Variants in AKT2 observed in about 807,000 individuals in gnomAD.
AKT2 encodes the protein RAC-beta serine/threonine-protein kinase.
AKT2 carries 16 observed loss-of-function variants against 58.6 expected under a neutral mutation model. That is an observed-to-expected ratio of 0.27 (90% CI 0.18 to 0.41). The LOEUF (loss-of-function observed/expected upper bound fraction) is 0.41, where lower values mean the gene tolerates loss of function less well. Among genes scored for constraint, AKT2 ranks in the 10% least tolerant of loss-of-function variants. The pLI is 1.00. For missense variants in AKT2, 438 were observed against 661.0 expected, an observed-to-expected ratio of 0.66 and a Z score of 3.70; for synonymous variants, 253 against 254.0, an observed-to-expected ratio of 1.00 and a Z score of 0.04.
At chr19:40,283,001 TCACA>T (rs1441927404) in intron 1 of AKT2, 1 of 161,814 alleles carries the variant, frequency 6.2e-6, no homozygotes. Flanking sequence ...TAAAATGGTA[TCACA>T]CTTCTAACTA....
chr19:40,273,554 A>G (rs544871597), intron 1 of AKT2: 2 of 150,070 alleles, frequency 1.3e-5, no homozygotes, highest in South Asian at 4.2e-4. Flanking sequence ...TTTTTCTTTT[A>G]AACACACTCC....
In AKT2 at chr19:40,238,272, G is replaced by T. The variant is rs1162394457; in HGVS notation, c.709-181C>A. The stretch of plus-strand genomic sequence containing the variant: ...AGCTCATAAGTGACACAGAGCTGGG[G>T]GGAAGGGCGAGGGTCTGCCAGGAGG... On this transcript the variant is annotated intron_variant, in intron 8 of 13. Transcript: ENST00000392038. This position sits in a 1 kb window ranked among gnomAD's most constrained non-coding sequence, Gnocchi z 5.1. Among the ~76,000 whole-genome samples the T allele has an allele frequency of 6.6e-6, 1 of 152,248 alleles. No individual in the cohort carries two copies. The highest frequency in any genetic ancestry group is 2.1e-4 in the South Asian group (1 of 4,836).
chr19:40,277,850 A>T (rs2077354674), intron 1 of AKT2, among the ~76,000 whole-genome samples: 1 of 152,234 alleles, frequency 6.6e-6, no homozygotes, highest in Non-Finnish European at 1.5e-5. Flanking sequence ...GGCACATAGA[A>T]GTGATTCAAT....
chr19:40,277,016 C>G (rs962162466), intron 1 of AKT2, among the ~76,000 whole-genome samples: 2 of 152,088 alleles, frequency 1.3e-5, no homozygotes, highest in South Asian at 2.1e-4. Flanking sequence ...GAGCCAGACC[C>G]TGTCTCAAAA....
chr19:40,235,033 C>T lies in AKT2; in HGVS notation c.1366+12G>A. The stretch of plus-strand genomic sequence containing the variant: ...GGGCAGGCACACCAGCGCGGGGGCC[C>T]CAGGCACTCACAGCGGTCAGGGGGT... On this transcript the variant is annotated intron_variant, in intron 13 of 13. Coordinates refer to ENST00000392038, the MANE Select transcript of AKT2 (RefSeq NM_001626.6). The surrounding 1 kb of genome is among the most constrained non-coding windows in gnomAD (Gnocchi z 6.3). 1.2e-6 allele frequency: 2 copies of T among 1,613,616 alleles called. No homozygotes were observed. Among genetic ancestry groups the T allele is most frequent in the East Asian group, 4.5e-5 (2 of 44,870 alleles).
chr19:40,262,068 A>C (rs993784976), intron 2 of AKT2, among the ~76,000 whole-genome samples: 6 of 152,006 alleles, frequency 3.9e-5, no homozygotes, highest in Admixed American at 6.6e-5. Flanking sequence ...TTTATTATCC[A>C]GGCATTTATC....
chr19:40,265,845 C>T (rs528184350), intron 1 of AKT2, among the ~76,000 whole-genome samples: 2 of 152,302 alleles, frequency 1.3e-5, no homozygotes, highest in African/African-American at 4.8e-5. Context: ...TCTTTCCAAA[C>T]CAGGAAGCCA....
chr19:40,261,168 G>GT (rs1351198240), intron 2 of AKT2, among the ~76,000 whole-genome samples: 1 of 152,224 alleles, frequency 6.6e-6, no homozygotes, highest in African/African-American at 2.4e-5. Context: ...CTCATGGGAG[G>GT]TATTTGGGTG....
chr19:40,236,788 C>T, intron 9 of AKT2: 1 of 298,944 alleles, frequency 3.3e-6, no homozygotes, highest in South Asian at 3.1e-5. Context: ...ATTTGGGGGA[C>T]TTAGGTGGCA....
rs1014491154 is a variant in AKT2, at chr19:40,234,983, A to T, written c.1366+62T>A. 4.9e-6 allele frequency: 7 copies of T among 1,432,790 alleles called. No homozygotes were observed. The highest frequency in any genetic ancestry group is 6.9e-6 in the Non-Finnish European group (7 of 1,016,404). 88.8% of individuals were successfully genotyped at this position (1,432,790 alleles called of 1,614,324 possible). A position where few individuals can be genotyped will look rare whatever the true frequency, so the allele number is the denominator to read the frequency against. On this transcript the variant is annotated intron_variant, in intron 13 of 13. Transcript: ENST00000392038. This position sits in a 1 kb window ranked among gnomAD's most constrained non-coding sequence, Gnocchi z 4.7. ...GGCCCTCCTTGAGAAGTGAGTTAAG[A>T]GCAGATCCCATCCCTCCACCCCTGG...
At chr19:40,255,907 G>A (rs1483297212) in intron 3 of AKT2, among the ~76,000 whole-genome samples, 1 of 152,196 alleles carries the variant, frequency 6.6e-6, no homozygotes, top group African/African-American at 2.4e-5. Flanking sequence ...AGGTTGGAAG[G>A]CCAGGGAGGT....
intron 4 of AKT2, among the ~76,000 whole-genome samples, chr19:40,251,780 C>A (rs1171281725): frequency 2.0e-5 from 3 of 152,180 alleles, no homozygotes; most frequent in African/African-American, 7.2e-5. Flanking sequence ...TCATCTCAGG[C>A]GTGACAGCAT....
At chr19:40,277,984 C>T (rs2077356883) in intron 1 of AKT2, among the ~76,000 whole-genome samples, 1 of 152,180 alleles carries the variant, frequency 6.6e-6, no homozygotes, top group South Asian at 2.1e-4. Flanking sequence ...CTCATCTCTT[C>T]CCCCTGGGCC....
At chr19:40,239,918 G>T in intron 7 of AKT2, 127 bp downstream of exon 7, 1 of 1,197,850 alleles carries the variant, frequency 8.3e-7, no homozygotes, top group Non-Finnish European at 1.2e-6. Flanking sequence ...GCAGGGCGCA[G>T]CAACACCTTG....
rs1472798759 is a variant in AKT2 at position 40,232,871 on chromosome 19, TGA to T, written c.*999_*1000del. The T allele has an allele frequency of 4.2e-6, 1 of 235,322 alleles. No individual in the cohort carries two copies. Among genetic ancestry groups the T allele is most frequent in the East Asian group, 6.0e-5 (1 of 16,736 alleles). The allele number at this position is 235,322 out of a possible 1,614,324, so 14.6% of individuals were successfully genotyped here. A position where few individuals can be genotyped will look rare whatever the true frequency, so the allele number is the denominator to read the frequency against. ...GTGGGGCCCTGGGGAGAGGGAGGGG[TGA>T]GGGGGGCCTAGGAGCCTCCCTTTTC... On this transcript the variant is annotated 3_prime_UTR_variant, in exon 14 of 14. Coordinates refer to ENST00000392038, the MANE Select transcript of AKT2 (RefSeq NM_001626.6).
chr19:40,261,874 G>T (rs1975986452), intron 2 of AKT2, among the ~76,000 whole-genome samples: 2 of 151,208 alleles, frequency 1.3e-5, no homozygotes, highest in Non-Finnish European at 2.9e-5. Context: ...CTTCAAAATG[G>T]TTAATCTCAC....
chr19:40,237,745 T>C lies in AKT2; in HGVS notation c.831+224A>G, dbSNP rs1287157294. The C allele has an allele frequency of 3.3e-6, 2 of 610,562 alleles. No individual in the cohort carries two copies. The highest frequency in any genetic ancestry group is 1.9e-5 in the African/African-American group (1 of 53,706). The allele number at this position is 610,562 out of a possible 1,614,324, so 37.8% of individuals were successfully genotyped here. On this transcript the variant is annotated intron_variant, in intron 9 of 13. Coordinates refer to ENST00000392038, the MANE Select transcript of AKT2 (RefSeq NM_001626.6). The surrounding 1 kb of genome is among the most constrained non-coding windows in gnomAD (Gnocchi z 4.5). ...TGGGAAGGTCCCTACTTGGGGCAACTTGCCACAGAGCCACCACCCTGGACC... is the reference window on the plus strand; with the variant it reads ...TGGGAAGGTCCCTACTTGGGGCAACCTGCCACAGAGCCACCACCCTGGACC...
chr19:40,265,631 C>A (rs1404056737), intron 1 of AKT2: 1 of 402,582 alleles, frequency 2.5e-6, no homozygotes, highest in Non-Finnish European at 4.7e-6. Flanking sequence ...GTGGCCCCTC[C>A]ACCCACAGTC....
At chr19:40,275,576 G>C (rs1035237316) in intron 1 of AKT2, 2 of 341,562 alleles carry the variant, frequency 5.9e-6, no homozygotes, top group African/African-American at 4.3e-5. Flanking sequence ...ACCGCAACCA[G>C]AGCAGAACTA....
Sources: gnomAD v4.1 joint callset for allele counts (sites outside exome capture counted in the v4.1 genomes callset) on GRCh38, gnomAD v4.1.1 for gene constraint, Gnocchi (gnomAD v3.1) non-coding constraint, MANE v1.5 for transcripts, NCBI Gene and HGNC (gene_info 2026-07-23, HGNC 2026-07-21) for gene names.